DOCK3: variants seen among roughly 807,000 people sequenced by gnomAD.
The protein encoded by DOCK3 is dedicator of cytokinesis protein 3.
Under a neutral mutation model 265.6 loss-of-function variants are expected in DOCK3, and 60 were observed. The ratio of observed to expected loss-of-function variants is 0.23; its 90% CI spans 0.18 to 0.28. DOCK3 has a LOEUF of 0.28. DOCK3 is among the 10% of genes least tolerant of loss of function. The pLI is 1.00. For missense variants in DOCK3, 1,981 were observed against 2,594.3 expected (o/e 0.76, Z 5.14); for synonymous variants, 881 against 938.0 (o/e 0.94, Z 1.11).
chr3:50,993,081 G>C (rs531031498), intron 5 of DOCK3, among the ~76,000 whole-genome samples: 1 of 152,246 alleles, frequency 6.6e-6, no homozygotes, highest in South Asian at 2.1e-4. Flanking sequence ...CAATCCCTTG[G>C]GGTAATTAAT....
Position 51,362,486 on chromosome 3 carries a change from C to A in DOCK3, c.5146-41C>A, listed in dbSNP as rs781649422. 36 of 1,612,236 alleles carry A rather than the reference C, an allele frequency of 2.2e-5. No individual in the cohort carries two copies. In the South Asian group the frequency reaches 3.6e-4, roughly 16 times the overall value. On this transcript the variant is annotated intron_variant, in intron 48 of 52. Coordinates refer to ENST00000266037, the MANE Select transcript of DOCK3 (RefSeq NM_004947.5). ...CTCTGTGCCAGCCCTAAAGTCCTGG[C>A]CATTCAGACCTCTATCCTGCTGATT...
At chr3:50,906,745 C>G (rs766366817) in intron 4 of DOCK3, among the ~76,000 whole-genome samples, 55 of 152,024 alleles carry the variant, frequency 3.6e-4, no homozygotes, top group Non-Finnish European at 7.4e-4. Flanking sequence ...TTTTTTGTAT[C>G]TCTATCTCCT....
chr3:50,937,921 A>G (rs1033848942), intron 5 of DOCK3, among the ~76,000 whole-genome samples: 1 of 152,166 alleles, frequency 6.6e-6, no homozygotes, highest in African/African-American at 2.4e-5. Flanking sequence ...TGATTACAAG[A>G]TAGAGTTTAG....
intron 1 of DOCK3, among the ~76,000 whole-genome samples, chr3:50,752,429 A>G (rs540382571): frequency 2.0e-5 from 3 of 152,108 alleles, no homozygotes; most frequent in African/African-American, 7.2e-5. Flanking sequence ...GAATCATTTG[A>G]ATCCGGGAGG....
Position 51,341,346 on chromosome 3 carries a change from A to G in DOCK3, c.3876A>G (p.Gly1292=), listed in dbSNP as rs1248907003. ...AGACAGAGTGGCAGCGGAAGGAGGG[A>G]CTGTGCCGGAAGATCATTCACTACT... ...PSQTEWQRKE[G]LCRKIIHYFN... is the part of the protein sequence containing the mutation. The change falls in exon 38 of 53, where the codon GGA becomes GGG. Residue 1292 remains glycine, a synonymous_variant. Coordinates refer to ENST00000266037, the MANE Select transcript of DOCK3 (RefSeq NM_004947.5). The G allele has an allele frequency of 2.5e-6, 4 of 1,613,810 alleles. No individual in the cohort carries two copies. The South Asian group carries it at 4.4e-5, about 18-fold the overall frequency.
chr3:51,068,336 C>A (rs2081685955), intron 6 of DOCK3, among the ~76,000 whole-genome samples: 1 of 151,660 alleles, frequency 6.6e-6, no homozygotes, highest in Admixed American at 6.6e-5. Flanking sequence ...GTCAAGAGAT[C>A]GAGACCATCC....
At chr3:51,377,235 C>G (rs2088211332) in intron 51 of DOCK3, among the ~76,000 whole-genome samples, 1 of 152,204 alleles carries the variant, frequency 6.6e-6, no homozygotes, top group African/African-American at 2.4e-5. Flanking sequence ...GAGGCTGAGC[C>G]CAGAGCAAGC....
At chr3:51,124,967 TAA>T (rs35040855) in intron 9 of DOCK3, among the ~76,000 whole-genome samples, 109,717 of 126,476 alleles carry the variant, frequency 0.87, 47,523 homozygotes, top group East Asian at 0.93. Context: ...CTGTCTCTAC[TAA>T]AAAAAAAAAA....
At chr3:50,751,236 C>T (rs561769825) in intron 1 of DOCK3, among the ~76,000 whole-genome samples, 43 of 151,630 alleles carry the variant, frequency 2.8e-4, no homozygotes, top group African/African-American at 9.7e-4. Flanking sequence ...GTCCTTTGAC[C>T]CTGTGACATA....
At chr3:51,192,000 C>A (rs764336411) in intron 12 of DOCK3, among the ~76,000 whole-genome samples, 36 of 148,744 alleles carry the variant, frequency 2.4e-4, no homozygotes, top group Non-Finnish European at 1.2e-4. Flanking sequence ...TTCTGGTTTG[C>A]TAGAGTAAAC....
rs114196771 is a variant in DOCK3, at chr3:50,971,447, A to T, written c.315+37370A>T. On this transcript the variant is annotated intron_variant, in intron 5 of 52. Coordinates refer to ENST00000266037, the MANE Select transcript of DOCK3 (RefSeq NM_004947.5). Reference sequence around the variant, plus strand: ...CTATATGAACTCCTTGTAATAGACAACCTTTGTGGGGTGGTTTTCTTAAAT... The same window carrying T: ...CTATATGAACTCCTTGTAATAGACATCCTTTGTGGGGTGGTTTTCTTAAAT... 2.8e-3 allele frequency among the ~76,000 whole-genome samples: 419 copies of T among 152,158 alleles called. 1 individual carries two copies. Among genetic ancestry groups the T allele is most frequent in the African/African-American group, 9.7e-3 (401 of 41,516 alleles).
intron 1 of DOCK3, among the ~76,000 whole-genome samples, chr3:50,681,019 A>G (rs1044784895): frequency 2.6e-5 from 4 of 152,084 alleles, no homozygotes; most frequent in African/African-American, 9.7e-5. Flanking sequence ...TTGAGGTCTT[A>G]GTCATAAAAT....
At chr3:51,348,421 T>C (rs550070803) in intron 38 of DOCK3, among the ~76,000 whole-genome samples, 1 of 152,240 alleles carries the variant, frequency 6.6e-6, no homozygotes, top group Non-Finnish European at 1.5e-5. Flanking sequence ...TAAATCTTTA[T>C]TGAGTACCTG....
rs1284507202 is a variant in DOCK3 at position 51,212,569 on chromosome 3, G to T, written c.1127-1553G>T. Among the ~76,000 whole-genome samples, 4 of 151,404 alleles carry T rather than the reference G, an allele frequency of 2.6e-5. No individual in the cohort carries two copies. The East Asian group carries it at 7.8e-4, about 30-fold the overall frequency. ...TCTGTTTACCCAGAGGATATGATTT[G>T]ATAGCTACGTAAAGACAACAAAGAT... On this transcript the variant is annotated intron_variant, in intron 13 of 52. Transcript: ENST00000266037.
chr3:50,927,546 A>G (rs971970252), intron 4 of DOCK3, among the ~76,000 whole-genome samples: 1 of 152,204 alleles, frequency 6.6e-6, no homozygotes, highest in Non-Finnish European at 1.5e-5. Flanking sequence ...AAATATGTAC[A>G]ACTATTATAC....
chr3:51,293,241 A>G (rs925284157), intron 27 of DOCK3, among the ~76,000 whole-genome samples: 3 of 152,238 alleles, frequency 2.0e-5, no homozygotes, highest in Non-Finnish European at 4.4e-5. Context: ...ACAAAACTGT[A>G]GTGATCAAAA....
At chr3:51,037,320 C>T (rs1436988496) in intron 5 of DOCK3, among the ~76,000 whole-genome samples, 1 of 151,870 alleles carries the variant, frequency 6.6e-6, no homozygotes, top group Non-Finnish European at 1.5e-5. Context: ...TAATTCCATA[C>T]GTTTTTGGGG....
intron 1 of DOCK3, among the ~76,000 whole-genome samples, chr3:50,777,748 T>G (rs1252133529): frequency 2.6e-5 from 4 of 152,170 alleles, no homozygotes; most frequent in Non-Finnish European, 5.9e-5. Flanking sequence ...TGCTACTGAT[T>G]TGTGTACATT....
intron 4 of DOCK3, among the ~76,000 whole-genome samples, chr3:50,902,810 G>A (rs775591504): frequency 8.5e-5 from 13 of 152,096 alleles, no homozygotes; most frequent in South Asian, 2.1e-4. Context: ...ATCCATGAGC[G>A]TGGCATATTG....
Sources: gnomAD v4.1 joint callset for allele counts (sites outside exome capture counted in the v4.1 genomes callset) on GRCh38, gnomAD v4.1.1 for gene constraint, MANE v1.5 for transcripts, NCBI Gene and HGNC (gene_info 2026-07-23, HGNC 2026-07-21) for gene names.